The following PCYT1B variants were observed in gnomAD, a reference collection of about 807,000 sequenced individuals.
PCYT1B encodes choline-phosphate cytidylyltransferase B.
In PCYT1B, 10 loss-of-function variants were observed where a neutral mutation model predicts 26.4. The observed-to-expected ratio is 0.38, with a 90% CI of 0.23 to 0.64. The LOEUF is 0.64. Among genes scored for constraint, PCYT1B ranks in the 30% least tolerant of loss-of-function variants. The probability of loss-of-function intolerance (pLI) is 0.56; values close to 1 mark genes in which losing one functional copy is unlikely to be tolerated. For synonymous variants in PCYT1B, 131 were observed against 108.4 expected (o/e 1.21, Z -1.29); for missense variants, 161 against 292.7 (o/e 0.55, Z 3.28).
At chrX:24,606,217 A>G (rs1277129023) in intron 3 of PCYT1B, among the ~76,000 whole-genome samples, 2 of 110,958 alleles carry the variant, frequency 1.8e-5, no homozygotes, top group Non-Finnish European at 3.8e-5. Flanking sequence ...CTTACTTTGG[A>G]TGTGATAACC....
intron 7 of PCYT1B, among the ~76,000 whole-genome samples, chrX:24,571,500 T>TATCATC (rs59226167): frequency 0.47 from 49,303 of 105,106 alleles, 9,085 homozygotes; most frequent in East Asian, 0.56. Context: ...TCTTATTTAC[T>TATCATC]ATCATCATCA....
chrX:24,587,889 C>T (rs1371653158), intron 4 of PCYT1B, among the ~76,000 whole-genome samples: 3 of 112,391 alleles, frequency 2.7e-5, no homozygotes, highest in East Asian at 2.8e-4. Flanking sequence ...TGGAGTGGGC[C>T]GCTGGGGCAC....
intron 2 of PCYT1B, among the ~76,000 whole-genome samples, chrX:24,617,377 T>G (rs1480116473): frequency 9.5e-6 from 1 of 105,710 alleles, no homozygotes; most frequent in Non-Finnish European, 1.9e-5. Context: ...GTTTGTTTTT[T>G]TTTTTGTTTG....
intron 2 of PCYT1B, 90 bp from the exon 3 acceptor site, chrX:24,607,951 A>T (rs1368670778): frequency 4.1e-6 from 2 of 487,233 alleles, no homozygotes; most frequent in African/African-American, 4.8e-5. Context: ...TCTGGATAAG[A>T]CACAATCTCT....
chrX:24,670,976 GT>G (rs777804075), intron 1 of PCYT1B, among the ~76,000 whole-genome samples: 1 of 109,513 alleles, frequency 9.1e-6, no homozygotes, highest in Admixed American at 9.8e-5. Flanking sequence ...GAATCTAGTT[GT>G]TTTTTTTGGC....
At chrX:24,649,242 T>C (rs780743975), upstream of PCYT1B, among the ~76,000 whole-genome samples, 1 of 111,867 alleles carries the variant, frequency 8.9e-6, no homozygotes, top group Non-Finnish European at 1.9e-5. Context: ...CTACGTGTAC[T>C]GGGTGACGTG....
chrX:24,589,943 T>C (rs897210737), intron 4 of PCYT1B, 80 bp downstream of exon 4: 2 of 847,017 alleles, frequency 2.4e-6, no homozygotes, highest in African/African-American at 4.1e-5. Flanking sequence ...TGAGAGAGAC[T>C]TTGGGCTTTC....
chrX:24,605,625 A>G (rs1792941398), intron 3 of PCYT1B, among the ~76,000 whole-genome samples: 1 of 112,038 alleles, frequency 8.9e-6, no homozygotes, highest in Non-Finnish European at 1.9e-5. Context: ...AGTTCAATAA[A>G]GAGTTGTTAG....
Position 24,610,703 on chromosome X carries a change from G to C in PCYT1B, c.218-2842C>G, listed in dbSNP as rs777168253. ...AAATCTGAAGAGTATTTACAAAGTT[G>C]ATTTTGCAATAAGCTCACTTTTAAA... On this transcript the variant is annotated intron_variant, in intron 2 of 7. Transcript: ENST00000379144. 2.7e-5 allele frequency among the ~76,000 whole-genome samples: 3 copies of C among 111,848 alleles called. No homozygotes were observed. In the Admixed American group the frequency reaches 2.9e-4, roughly 11 times the overall value.
At chrX:24,572,571 G>C (rs1040824579) in intron 7 of PCYT1B, among the ~76,000 whole-genome samples, 5 of 111,398 alleles carry the variant, frequency 4.5e-5, no homozygotes, top group Admixed American at 9.6e-5. Flanking sequence ...TAAGAAATGA[G>C]TTCCAGTCCC....
intron 1 of PCYT1B, among the ~76,000 whole-genome samples, chrX:24,630,122 T>C (rs73469828): frequency 0.11 from 12,372 of 111,407 alleles, 1,665 homozygotes; most frequent in African/African-American, 0.38. Flanking sequence ...TTTTCTTAGA[T>C]AATTGAATTT....
chrX:24,573,932 G>A lies in PCYT1B; in HGVS notation c.897+1198C>T, dbSNP rs1043506440. On this transcript the variant is annotated intron_variant, in intron 7 of 7. Coordinates refer to ENST00000379144, the MANE Select transcript of PCYT1B (RefSeq NM_004845.5). ...TCTCAGACTCAGCCGATAGGACATG[G>A]TTGGCCTATAACACCCACGTCTATA... 2.7e-5 allele frequency among the ~76,000 whole-genome samples: 3 copies of A among 111,223 alleles called. No homozygotes were observed. In the Admixed American group the frequency reaches 2.9e-4, roughly 11 times the overall value.
At chrX:24,634,473 C>T (rs1259406062) in intron 1 of PCYT1B, among the ~76,000 whole-genome samples, 3 of 111,859 alleles carry the variant, frequency 2.7e-5, no homozygotes, top group Admixed American at 1.9e-4. Flanking sequence ...GCAGGCCGTG[C>T]GCGGTGGCTC....
intron 3 of PCYT1B, among the ~76,000 whole-genome samples, chrX:24,596,024 G>A (rs1300019256): frequency 8.9e-6 from 1 of 112,230 alleles, no homozygotes; most frequent in Non-Finnish European, 1.9e-5. Flanking sequence ...TATAGTAGTA[G>A]TAGTATGTTT....
chrX:24,595,129 A>T (rs1338668366), intron 3 of PCYT1B, among the ~76,000 whole-genome samples: 1 of 108,880 alleles, frequency 9.2e-6, no homozygotes, highest in Non-Finnish European at 1.9e-5. Flanking sequence ...CCCTACTCCA[A>T]GCAGGTATGA....
chrX:24,656,232 G>GGT (rs1555966028), intron 1 of PCYT1B, among the ~76,000 whole-genome samples: 2 of 100,570 alleles, frequency 2.0e-5, no homozygotes, highest in African/African-American at 3.6e-5. Flanking sequence ...GGGGTCGCGG[G>GGT]GGGGGGTGGT....
chrX:24,605,735 A>G (rs1925106810), intron 3 of PCYT1B, among the ~76,000 whole-genome samples: 1 of 111,429 alleles, frequency 9.0e-6, no homozygotes, highest in Non-Finnish European at 1.9e-5. Context: ...GACCTGGCCA[A>G]CATGGTGAAA....
At chrX:24,629,025 T>C (rs983456923) in intron 1 of PCYT1B, among the ~76,000 whole-genome samples, 3 of 112,215 alleles carry the variant, frequency 2.7e-5, no homozygotes, top group Non-Finnish European at 3.8e-5. Flanking sequence ...TGCTGCCATC[T>C]CACTGGCATT....
At chrX:24,578,950 T>C (rs1924110399) in intron 6 of PCYT1B, among the ~76,000 whole-genome samples, 1 of 111,292 alleles carries the variant, frequency 9.0e-6, no homozygotes, top group South Asian at 3.8e-4. Context: ...TAATAATACA[T>C]CATGGGTTAT....
Sources: gnomAD v4.1 joint callset for allele counts (sites outside exome capture counted in the v4.1 genomes callset) on GRCh38, gnomAD v4.1.1 for gene constraint, MANE v1.5 for transcripts, NCBI Gene and HGNC (gene_info 2026-07-23, HGNC 2026-07-21) for gene names.